The following CLDN16 variants were observed in gnomAD, a reference collection of about 807,000 sequenced individuals.
CLDN16 encodes claudin-16.
In CLDN16, 13 loss-of-function variants were observed where a neutral mutation model predicts 24.6. The observed-to-expected ratio is 0.53, with a 90% CI of 0.34 to 0.84. CLDN16 has a LOEUF of 0.84. CLDN16 is among the 40% of genes least tolerant of loss of function. The pLI is 0.01. For missense variants in CLDN16, 298 were observed against 292.7 expected (o/e 1.02, Z -0.13); for synonymous variants, 116 against 106.7 (o/e 1.09, Z -0.54).
intron 3 of CLDN16, among the ~76,000 whole-genome samples, chr3:190,406,930 A>C (rs1180080711): frequency 2.0e-5 from 3 of 151,680 alleles, no homozygotes; most frequent in Non-Finnish European, 2.9e-5. Context: ...TTAGTAGAGA[A>C]GGGGTTTCAC....
intron 1 of CLDN16, among the ~76,000 whole-genome samples, chr3:190,369,472 C>T (rs965341381): frequency 3.3e-5 from 5 of 151,866 alleles, no homozygotes; most frequent in African/African-American, 1.2e-4. Context: ...TTTTATTACA[C>T]AACAAATATT....
intron 1 of CLDN16, among the ~76,000 whole-genome samples, chr3:190,348,476 G>A (rs527380869): frequency 6.6e-6 from 1 of 151,946 alleles, no homozygotes; most frequent in Non-Finnish European, 1.5e-5. Flanking sequence ...AGACTGTGCA[G>A]AGTGAAGGAA....
intron 1 of CLDN16, among the ~76,000 whole-genome samples, chr3:190,360,627 G>A (rs1408045793): frequency 4.6e-5 from 7 of 151,788 alleles, no homozygotes; most frequent in African/African-American, 1.7e-4. Context: ...TTGAACATCA[G>A]CCAGTATCTT....
chr3:190,374,438 G>A (rs1718207043), intron 2 of CLDN16: 1 of 151,828 alleles, frequency 6.6e-6, no homozygotes, highest in Admixed American at 6.6e-5. Context: ...GTTCATAAAA[G>A]ATGCCATTTA....
intron 1 of CLDN16, among the ~76,000 whole-genome samples, chr3:190,358,976 A>G (rs554279314): frequency 6.6e-6 from 1 of 152,048 alleles, no homozygotes; most frequent in East Asian, 1.9e-4. Context: ...TTATTTTTTT[A>G]AAGAATAAAA....
intron 1 of CLDN16, among the ~76,000 whole-genome samples, chr3:190,350,783 T>C (rs1216051906): frequency 6.6e-6 from 1 of 152,196 alleles, no homozygotes; most frequent in African/African-American, 2.4e-5. Context: ...TAGGCTGACC[T>C]GTTCCTGGGA....
intron 1 of CLDN16, among the ~76,000 whole-genome samples, chr3:190,340,972 C>A (rs1352074544): frequency 6.6e-6 from 1 of 152,172 alleles, no homozygotes; most frequent in Non-Finnish European, 1.5e-5. Context: ...GTCTCACGAC[C>A]AGGTCATGCT....
upstream of CLDN16, chr3:190,322,220 G>T: frequency 1.9e-6 from 3 of 1,611,790 alleles, no homozygotes; most frequent in Non-Finnish European, 2.5e-6. Context: ...TCGCTCGGGC[G>T]CCCGCGCTGG....
the CLDN16 span, chr3:190,312,905 C>A: frequency 6.2e-7 from 1 of 1,614,176 alleles, no homozygotes; most frequent in Non-Finnish European, 8.5e-7. Context: ...CCAATGACAG[C>A]CATCCTCATC....
chr3:190,388,075 C>T (rs1047717394), upstream of CLDN16: 8 of 1,579,114 alleles, frequency 5.1e-6, no homozygotes, highest in Non-Finnish European at 7.0e-6. Flanking sequence ...ACACTCAGCC[C>T]TTGCACTGAC....
At chr3:190,316,656 T>A in the CLDN16 span, among the ~76,000 whole-genome samples, 2 of 152,214 alleles carry the variant, frequency 1.3e-5, no homozygotes, top group African/African-American at 2.4e-5. Context: ...AACTCCTGGA[T>A]GATTTGAGTC....
rs140322220 is a variant in CLDN16 at position 190,398,790 on chromosome 3, C to T, written c.115-3547C>T. Among the ~76,000 whole-genome samples the T allele has an allele frequency of 1.1e-4, 16 of 152,072 alleles. No individual in the cohort carries two copies. The East Asian group carries it at 2.9e-3, about 28-fold the overall frequency. ...CTTATAACCATCCTATGATTATCTC[C>T]CGTATACAGATAAGGAGATTGAGGA... On this transcript the variant is annotated intron_variant, in intron 1 of 4. Transcript: ENST00000264734.
upstream of CLDN16, chr3:190,322,500 C>A (rs376629183): frequency 4.1e-4 from 168 of 414,030 alleles, 1 homozygote; most frequent in East Asian, 5.6e-3. Context: ...TCAGCCCCGG[C>A]AGCCGGGGAG....
chr3:190,301,500 A>G, the CLDN16 span, among the ~76,000 whole-genome samples: 3 of 146,436 alleles, frequency 2.0e-5, no homozygotes, highest in Non-Finnish European at 3.0e-5. Flanking sequence ...TCTCAAAAAA[A>G]AAGAAGAAGA....
At chr3:190,348,335 A>ATGTGTGTGTGTGTG (rs57246894) in intron 1 of CLDN16, among the ~76,000 whole-genome samples, 21 of 138,448 alleles carry the variant, frequency 1.5e-4, no homozygotes, top group East Asian at 6.5e-4. Flanking sequence ...CAAGACTGCA[A>ATGTGTGTGTGTGTG]TGTGTGTGTG....
chr3:190,347,849 A>G (rs1023043758), intron 1 of CLDN16, among the ~76,000 whole-genome samples: 7 of 152,136 alleles, frequency 4.6e-5, no homozygotes, highest in African/African-American at 1.7e-4. Context: ...ACAAAAGCCC[A>G]GAAGCAGTGA....
At chr3:190,312,159 G>A in the CLDN16 span, among the ~76,000 whole-genome samples, 1 of 151,796 alleles carries the variant, frequency 6.6e-6, no homozygotes, top group Non-Finnish European at 1.5e-5. Flanking sequence ...TTGAACTCAC[G>A]ACCTCAGGTG....
intron 1 of CLDN16, among the ~76,000 whole-genome samples, chr3:190,330,590 A>G (rs1025221197): frequency 6.6e-6 from 1 of 152,136 alleles, no homozygotes; most frequent in African/African-American, 2.4e-5. Context: ...CATATAACTT[A>G]TTTAGAAAAG....
chr3:190,380,470 G>C (rs1217572771), intron 3 of CLDN16, among the ~76,000 whole-genome samples: 2 of 151,922 alleles, frequency 1.3e-5, no homozygotes, highest in African/African-American at 2.4e-5. Flanking sequence ...ATAAATGGTA[G>C]GGAAAATAAA....
Sources: gnomAD v4.1 joint callset for allele counts (sites outside exome capture counted in the v4.1 genomes callset) on GRCh38, gnomAD v4.1.1 for gene constraint, MANE v1.5 for transcripts, NCBI Gene and HGNC (gene_info 2026-07-23, HGNC 2026-07-21) for gene names.